The following KCNIP4 variants were observed in gnomAD, a reference collection of about 807,000 sequenced individuals.
KCNIP4 encodes the protein Kv channel-interacting protein 4.
In KCNIP4, 12 loss-of-function variants were observed where a neutral mutation model predicts 34.0. The ratio of observed to expected loss-of-function variants is 0.35; its 90% confidence interval spans 0.23 to 0.57. The LOEUF is 0.57. Among genes scored for constraint, KCNIP4 ranks in the 20% least tolerant of loss-of-function variants. KCNIP4 has a pLI of 0.83. For synonymous variants in KCNIP4, 124 were observed against 102.2 expected, an observed-to-expected ratio of 1.21 and a Z score of -1.29; for missense variants, 238 against 311.7, an observed-to-expected ratio of 0.76 and a Z score of 1.78.
At chr4:21,722,364 T>TTTG (rs575423159) in intron 1 of KCNIP4, among the ~76,000 whole-genome samples, 11 of 152,018 alleles carry the variant, frequency 7.2e-5, no homozygotes, top group Non-Finnish European at 1.5e-4. Flanking sequence ...AGGGTAGGCG[T>TTTG]TACTAAAAAG....
At chr4:21,368,353 C>T (rs1033348811) in intron 1 of KCNIP4, among the ~76,000 whole-genome samples, 1 of 146,886 alleles carries the variant, frequency 6.8e-6, no homozygotes, top group Non-Finnish European at 1.5e-5. Context: ...ACATTAAGAC[C>T]ATTTGTGATT....
intron 1 of KCNIP4, among the ~76,000 whole-genome samples, chr4:21,753,746 T>G (rs939277331): frequency 6.6e-6 from 1 of 152,178 alleles, no homozygotes; most frequent in Non-Finnish European, 1.5e-5. Flanking sequence ...ATAGCTGCTG[T>G]CAAGAAAACT....
intron 5 of KCNIP4, among the ~76,000 whole-genome samples, chr4:20,743,975 A>C (rs1751804784): frequency 1.3e-5 from 2 of 152,316 alleles, no homozygotes; most frequent in South Asian, 4.1e-4. Flanking sequence ...CTCTTCTCAA[A>C]AGAAGACATT....
intron 1 of KCNIP4, among the ~76,000 whole-genome samples, chr4:21,758,618 T>A (rs1431778964): frequency 6.6e-6 from 1 of 152,214 alleles, no homozygotes; most frequent in Non-Finnish European, 1.5e-5. Context: ...GGTGAATCCA[T>A]CTTGGTCTTT....
intron 3 of KCNIP4, among the ~76,000 whole-genome samples, chr4:20,841,406 A>C (rs1173597601): frequency 6.6e-6 from 1 of 152,192 alleles, no homozygotes; most frequent in Non-Finnish European, 1.5e-5. Flanking sequence ...CAAAATAAGC[A>C]CTATGATGGG....
chr4:21,581,736 C>T (rs1741213789), intron 1 of KCNIP4, among the ~76,000 whole-genome samples: 1 of 151,956 alleles, frequency 6.6e-6, no homozygotes, highest in Non-Finnish European at 1.5e-5. Context: ...TTCAGTCCCT[C>T]ATCACTTCTC....
intron 3 of KCNIP4, among the ~76,000 whole-genome samples, chr4:20,843,642 G>C (rs1578754906): frequency 6.6e-6 from 1 of 152,132 alleles, no homozygotes; most frequent in African/African-American, 2.4e-5. Flanking sequence ...AGGCAGAAGA[G>C]TCCCTTGAAC....
chr4:20,918,678 T>A (rs1018112245), intron 1 of KCNIP4, among the ~76,000 whole-genome samples: 1 of 152,142 alleles, frequency 6.6e-6, no homozygotes, highest in Non-Finnish European at 1.5e-5. Flanking sequence ...GCAAGAGTGG[T>A]CTCACCCTGC....
intron 1 of KCNIP4, among the ~76,000 whole-genome samples, chr4:21,636,222 T>C (rs1560581290): frequency 6.7e-6 from 1 of 149,658 alleles, no homozygotes; most frequent in Non-Finnish European, 1.5e-5. Flanking sequence ...CGCACCAGCA[T>C]GGGCACATGT....
intron 1 of KCNIP4, among the ~76,000 whole-genome samples, chr4:21,312,607 T>A (rs1038446339): frequency 5.3e-5 from 8 of 152,230 alleles, no homozygotes; most frequent in African/African-American, 1.9e-4. Flanking sequence ...TGGAAAGTTT[T>A]TTCTTCGAAT....
intron 1 of KCNIP4, among the ~76,000 whole-genome samples, chr4:21,087,974 C>A (rs2109036013): frequency 6.6e-6 from 1 of 152,236 alleles, no homozygotes; most frequent in Non-Finnish European, 1.5e-5. Context: ...TTTTCCAATT[C>A]TATGGCTTCA....
At chr4:20,955,650 A>G (rs1025978547) in intron 1 of KCNIP4, among the ~76,000 whole-genome samples, 19 of 152,126 alleles carry the variant, frequency 1.2e-4, no homozygotes, top group African/African-American at 4.6e-4. Flanking sequence ...TCTTGAATAG[A>G]GTGAAAAAAA....
intron 1 of KCNIP4, among the ~76,000 whole-genome samples, chr4:20,922,612 A>G (rs1470369963): frequency 6.7e-6 from 1 of 149,942 alleles, no homozygotes; most frequent in African/African-American, 2.4e-5. Context: ...TCTCTGGAGA[A>G]CCCTGACTAA....
chr4:20,906,751 T>A (rs1219465780), intron 1 of KCNIP4, among the ~76,000 whole-genome samples: 1 of 152,212 alleles, frequency 6.6e-6, no homozygotes, highest in Non-Finnish European at 1.5e-5. Context: ...ATAGAAAACC[T>A]ACACATCCTT....
intron 3 of KCNIP4, among the ~76,000 whole-genome samples, chr4:20,846,784 A>G (rs2149478389): frequency 6.6e-6 from 1 of 152,276 alleles, no homozygotes; most frequent in East Asian, 1.9e-4. Context: ...TTGTGCTAGA[A>G]GCACCTTGTA....
Position 21,014,728 on chromosome 4 carries a change from G to A in KCNIP4, c.62-132019C>T, listed in dbSNP as rs75603621. Among the ~76,000 whole-genome samples the A allele has an allele frequency of 3.2e-3, 483 of 152,236 alleles. 3 individuals are homozygous for A. Among genetic ancestry groups the A allele is most frequent in the African/African-American group, 0.011 (464 of 41,560 alleles). On this transcript the variant is annotated intron_variant, in intron 1 of 8. Coordinates refer to ENST00000382152, the MANE Select transcript of KCNIP4 (RefSeq NM_025221.6). ...ATGGTAGGGCCTCAAACAGTTAAAC[G>A]TAGCATTACCATTGACTCAGCAATT...
chr4:21,507,117 A>T (rs6823425), intron 1 of KCNIP4, among the ~76,000 whole-genome samples: 11,814 of 151,820 alleles, frequency 0.078, 1,434 homozygotes, highest in African/African-American at 0.26. Context: ...GAAATTTTAA[A>T]ATTATTTTAC....
intron 1 of KCNIP4, among the ~76,000 whole-genome samples, chr4:21,094,300 T>C (rs1455627432): frequency 6.6e-6 from 1 of 152,074 alleles, no homozygotes; most frequent in East Asian, 1.9e-4. Flanking sequence ...ACAGAAAAAT[T>C]ACAACTTCCT....
chr4:21,019,276 T>G (rs1376983335), intron 1 of KCNIP4, among the ~76,000 whole-genome samples: 1 of 151,918 alleles, frequency 6.6e-6, no homozygotes. Flanking sequence ...CTGTCTCAAC[T>G]TCCTGAGTAG....
Sources: gnomAD v4.1 joint callset for allele counts (sites outside exome capture counted in the v4.1 genomes callset) on GRCh38, gnomAD v4.1.1 for gene constraint, MANE v1.5 for transcripts, NCBI Gene and HGNC (gene_info 2026-07-23, HGNC 2026-07-21) for gene names.